Variants in TRMT1L observed in about 807,000 individuals in gnomAD.
TRMT1L encodes tRNA (guanine(27)-N(2))-dimethyltransferase.
A neutral mutation model predicts 81.6 loss-of-function variants in TRMT1L; 28 were observed. The ratio of observed to expected loss-of-function variants is 0.34; its 90% CI spans 0.25 to 0.47. The LOEUF (loss-of-function observed/expected upper bound fraction) is 0.47, where lower values mean the gene tolerates loss of function less well. Ranked by LOEUF, TRMT1L falls within the 20% of genes least tolerant of loss-of-function variation. The pLI, the probability that TRMT1L is intolerant of heterozygous loss-of-function variation, is 1.00. For missense variants in TRMT1L, 739 were observed against 877.1 expected, an observed-to-expected ratio of 0.84 and a Z score of 1.99; for synonymous variants, 301 against 303.2, an observed-to-expected ratio of 0.99 and a Z score of 0.07.
At chr1:185,147,298 A>C in intron 3 of TRMT1L, 52 bp from the exon 4 acceptor site, 3 of 1,355,856 alleles carry the variant, frequency 2.2e-6, no homozygotes, top group Non-Finnish European at 3.1e-6. Flanking sequence ...ATATTCAGTT[A>C]TCAAAAATTA....
intron 11 of TRMT1L, among the ~76,000 whole-genome samples, chr1:185,125,896 T>C (rs1652613264): frequency 6.6e-6 from 1 of 152,058 alleles, no homozygotes. Flanking sequence ...CTGATGAGTT[T>C]ATGGTGGTAG....
rs1284331691 is a variant in TRMT1L, at chr1:185,156,667, C to CCTCCTT, written c.40_45dup (p.Lys14_Glu15dup). 8.7e-6 allele frequency: 14 copies of CCTCCTT among 1,612,042 alleles called. No homozygotes were observed. Among genetic ancestry groups the CCTCCTT allele is most frequent in the Non-Finnish European group, 1.2e-5 (14 of 1,179,532 alleles). ...ACCTGGACCTGGGCCACCTCCACCTCCTCCTTCTCCAGGGGCAGCAGCTCC... is the reference window on the plus strand; with the variant it reads ...ACCTGGACCTGGGCCACCTCCACCTCCTCCTTCTCCTTCTCCAGGGGCAGCAGCTCC... On this transcript the variant is annotated inframe_insertion, in exon 1 of 15. Transcript: ENST00000367506.
Position 185,149,133 on chromosome 1 carries a change from T to TG in TRMT1L, c.460+1245dup, listed in dbSNP as rs548015344. Among the ~76,000 whole-genome samples the TG allele has an allele frequency of 2.2e-3, 337 of 152,340 alleles. 1 individual carries two copies. Among genetic ancestry groups the TG allele is most frequent in the African/African-American group, 7.8e-3 (325 of 41,580 alleles). ...ACCATGGAAATACTTCTAAGTTAGCTGGTATATATCTAATATACTCATTTC... is the reference window on the plus strand; with the variant it reads ...ACCATGGAAATACTTCTAAGTTAGCTGGGTATATATCTAATATACTCATTTC... On this transcript the variant is annotated intron_variant, in intron 3 of 14. Transcript: ENST00000367506.
intron 11 of TRMT1L, among the ~76,000 whole-genome samples, chr1:185,127,293 TAATC>T (rs1383008967): frequency 1.3e-5 from 2 of 152,192 alleles, no homozygotes; most frequent in East Asian, 3.9e-4. Flanking sequence ...AGATCTTTCT[TAATC>T]TAAGAGTATT....
In TRMT1L at chr1:185,140,209, T is replaced by TA; in HGVS notation, c.872dup (p.Leu291PhefsTer17). 1.9e-6 allele frequency: 3 copies of TA among 1,613,020 alleles called. No individual in the cohort carries two copies. Among genetic ancestry groups the TA allele is most frequent in the Non-Finnish European group, 2.5e-6 (3 of 1,179,342 alleles). On this transcript the variant is annotated frameshift_variant, in exon 8 of 15. Coordinates refer to ENST00000367506, the MANE Select transcript of TRMT1L (RefSeq NM_030934.5). LOFTEE classifies it high-confidence loss of function. ...CATTTCCAAGATGTTTTGCCCACTG[T>TA]AATCCCATTATCCCTTAGGAAAAAT...
At chr1:185,140,331 A>T in intron 7 of TRMT1L, 109 bp from the exon 8 acceptor site, 1 of 942,324 alleles carries the variant, frequency 1.1e-6, no homozygotes, top group Non-Finnish European at 1.5e-6. Context: ...TCAAAATTTA[A>T]TGTTTTCATG....
intron 3 of TRMT1L, among the ~76,000 whole-genome samples, chr1:185,148,781 TAAAAG>T (rs1425972606): frequency 3.9e-5 from 6 of 152,272 alleles, no homozygotes; most frequent in African/African-American, 1.4e-4. Flanking sequence ...GAACTAAACT[TAAAAG>T]ACAAGATGGT....
chr1:185,120,548 A>T (rs759326916), intron 13 of TRMT1L, 39 bp from the exon 14 acceptor site: 2 of 1,483,838 alleles, frequency 1.3e-6, no homozygotes, highest in Non-Finnish European at 8.9e-7. Flanking sequence ...GCTCTTAAAA[A>T]TTACAAGCCA....
intron 13 of TRMT1L, among the ~76,000 whole-genome samples, 184 bp downstream of exon 13, chr1:185,123,671 CAT>C (rs1652550796): frequency 6.6e-6 from 1 of 152,076 alleles, no homozygotes; most frequent in Non-Finnish European, 1.5e-5. Flanking sequence ...GTGAACAAAG[CAT>C]ATGTTAACAG....
chr1:185,150,708 TG>T (rs1653321266), intron 2 of TRMT1L, among the ~76,000 whole-genome samples: 1 of 123,790 alleles, frequency 8.1e-6, no homozygotes, highest in Non-Finnish European at 1.7e-5. Flanking sequence ...TTTCCCTCTC[TG>T]TAGCTAGTGG....
At chr1:185,150,635 C>T (rs1395325579) in intron 2 of TRMT1L, 143 bp from the exon 3 acceptor site, 2 of 663,510 alleles carry the variant, frequency 3.0e-6, no homozygotes, top group Non-Finnish European at 5.3e-6. Flanking sequence ...TATTCTTGAC[C>T]CAGGAGACAG....
chr1:185,144,159 T>C (rs1442070414), intron 5 of TRMT1L, 130 bp from the exon 6 acceptor site: 3 of 1,035,642 alleles, frequency 2.9e-6, no homozygotes, highest in Non-Finnish European at 4.0e-6. Flanking sequence ...TAACTTTATA[T>C]TATTTTGTGT....
In TRMT1L at chr1:185,142,544, T is replaced by A. The variant is rs541606316; in HGVS notation, c.859+813A>T. On this transcript the variant is annotated intron_variant, in intron 7 of 14. Transcript: ENST00000367506. Reference sequence around the variant, plus strand: ...AAGAATATTCTCAATGTTTAAAATTTCACTTTATTCCACTGTCTAAAGGCT... The same window carrying A: ...AAGAATATTCTCAATGTTTAAAATTACACTTTATTCCACTGTCTAAAGGCT... 3.3e-5 allele frequency among the ~76,000 whole-genome samples: 5 copies of A among 152,068 alleles called. No individual in the cohort carries two copies. The East Asian group carries it at 9.7e-4, about 29-fold the overall frequency.
intron 10 of TRMT1L, among the ~76,000 whole-genome samples, chr1:185,131,717 CAA>C (rs1339114036): frequency 1.3e-5 from 2 of 151,930 alleles, no homozygotes; most frequent in Non-Finnish European, 2.9e-5. Flanking sequence ...AACTAATTGC[CAA>C]AGAGATGAAC....
At chr1:185,132,274 T>C (rs1652790099) in intron 10 of TRMT1L, among the ~76,000 whole-genome samples, 2 of 151,944 alleles carry the variant, frequency 1.3e-5, no homozygotes, top group South Asian at 2.1e-4. Context: ...TCCCAGCACT[T>C]TGGGAGGCCA....
chr1:185,145,106 T>G (rs868652421), intron 5 of TRMT1L, among the ~76,000 whole-genome samples: 2 of 151,910 alleles, frequency 1.3e-5, no homozygotes, highest in South Asian at 4.1e-4. Context: ...ACTGTATCTT[T>G]TTTTCTAGTG....
chr1:185,118,108 T>TATCA lies in TRMT1L; in HGVS notation c.*1907_*1910dup, dbSNP rs897659483. On this transcript the variant is annotated 3_prime_UTR_variant, in exon 15 of 15. Transcript: ENST00000367506. ...GGTTTCCTTAACTCGTTCTTTTGTT[T>TATCA]ATCAAGTTTTAATGAAAGGATACAA... is the stretch of plus-strand genomic sequence containing the variant. The TATCA allele has an allele frequency of 1.3e-5, 2 of 152,210 alleles. No individual in the cohort carries two copies. The highest frequency in any genetic ancestry group is 2.9e-5 in the Non-Finnish European group (2 of 68,024). The allele number at this position is 152,210 out of a possible 1,614,324, so 9.4% of individuals were successfully genotyped here. A position where few individuals can be genotyped will look rare whatever the true frequency, so the allele number is the denominator to read the frequency against.
chr1:185,134,338 C>T (rs1276877836), intron 10 of TRMT1L, among the ~76,000 whole-genome samples: 6 of 152,040 alleles, frequency 3.9e-5, no homozygotes, highest in Non-Finnish European at 7.4e-5. Flanking sequence ...ATTACAGGTG[C>T]CCGCCATCAC....
At chr1:185,135,379 G>A (rs1433552575) in intron 10 of TRMT1L, among the ~76,000 whole-genome samples, 2 of 149,146 alleles carry the variant, frequency 1.3e-5, no homozygotes, top group Admixed American at 1.3e-4. Context: ...CTGTGCCAGT[G>A]CACTCCAGCC....
Sources: allele counts gnomAD v4.1 joint callset (sites outside exome capture counted in the v4.1 genomes callset), GRCh38; gene constraint gnomAD v4.1.1; transcripts MANE v1.5; gene names NCBI Gene and HGNC (gene_info 2026-07-23, HGNC 2026-07-21).